EPHA3: variants seen among roughly 807,000 people sequenced by gnomAD.
EPHA3 encodes EPH receptor A3.
Under a neutral mutation model 107.1 loss-of-function variants are expected in EPHA3, and 42 were observed. The ratio of observed to expected loss-of-function variants is 0.39; its 90% CI spans 0.31 to 0.51. The LOEUF is 0.51. Ranked by LOEUF, EPHA3 falls within the 20% of genes least tolerant of loss-of-function variation. EPHA3 has a pLI of 0.78. For missense variants in EPHA3, 1,183 were observed against 1,211.2 expected, an observed-to-expected ratio of 0.98 and a Z score of 0.35; for synonymous variants, 461 against 424.8, an observed-to-expected ratio of 1.09 and a Z score of -1.05.
chr3:89,313,238 T>C (rs761893534), intron 3 of EPHA3, among the ~76,000 whole-genome samples: 2 of 151,976 alleles, frequency 1.3e-5, no homozygotes, highest in East Asian at 3.9e-4. Context: ...AAAGTATCTA[T>C]CATTTCTTAC....
At chr3:89,451,448 G>T (rs550454252) in intron 15 of EPHA3, among the ~76,000 whole-genome samples, 25 of 152,062 alleles carry the variant, frequency 1.6e-4, no homozygotes, top group Middle Eastern at 3.4e-3. Flanking sequence ...AAGAAAAAAA[G>T]GTTCTTTTAC....
intron 3 of EPHA3, among the ~76,000 whole-genome samples, chr3:89,212,926 G>C (rs904325322): frequency 1.3e-5 from 2 of 151,904 alleles, no homozygotes; most frequent in African/African-American, 2.4e-5. Flanking sequence ...AAGACACCTA[G>C]ACTTTTTGAT....
intron 3 of EPHA3, among the ~76,000 whole-genome samples, chr3:89,223,327 G>A (rs1331831612): frequency 6.6e-6 from 1 of 152,174 alleles, no homozygotes; most frequent in Non-Finnish European, 1.5e-5. Context: ...CCTTCATACG[G>A]TTGATGGTTG....
chr3:89,432,320 C>T (rs1027836125), intron 13 of EPHA3, among the ~76,000 whole-genome samples: 3 of 152,116 alleles, frequency 2.0e-5, no homozygotes, highest in Admixed American at 6.6e-5. Flanking sequence ...TTTTAATTTG[C>T]ATCCATTTAA....
chr3:89,290,299 T>G (rs1706182515), intron 3 of EPHA3, among the ~76,000 whole-genome samples: 1 of 152,162 alleles, frequency 6.6e-6, no homozygotes, highest in African/African-American at 2.4e-5. Context: ...AATAATCTTT[T>G]GAGAATTTCT....
intron 12 of EPHA3, among the ~76,000 whole-genome samples, chr3:89,429,778 CAA>C (rs1361366163): frequency 0.01 from 1,452 of 143,370 alleles, 26 homozygotes; most frequent in African/African-American, 0.038. Flanking sequence ...GTTGCCCAGG[CAA>C]TGGTGCAATG....
chr3:89,435,402 C>CT (rs1191863628), intron 13 of EPHA3, among the ~76,000 whole-genome samples: 2 of 148,460 alleles, frequency 1.3e-5, no homozygotes, highest in Non-Finnish European at 3.0e-5. Context: ...GAGTTTGAGA[C>CT]CAGCCTGGGC....
intron 13 of EPHA3, among the ~76,000 whole-genome samples, chr3:89,443,369 TACTA>T (rs1273816895): frequency 2.0e-5 from 3 of 152,198 alleles, no homozygotes; most frequent in Admixed American, 1.3e-4. Flanking sequence ...GTGAATCTTA[TACTA>T]ACTATCGTTG....
intron 3 of EPHA3, among the ~76,000 whole-genome samples, chr3:89,258,648 A>T (rs1335657987): frequency 1.3e-5 from 2 of 152,236 alleles, no homozygotes; most frequent in East Asian, 3.8e-4. Flanking sequence ...TTCTTTTAAC[A>T]TTCTATAGAT....
At chr3:89,227,812 G>A (rs538304900) in intron 3 of EPHA3, among the ~76,000 whole-genome samples, 7 of 151,994 alleles carry the variant, frequency 4.6e-5, no homozygotes, top group South Asian at 4.1e-4. Context: ...TATTTGTAAC[G>A]TTCCATGTCC....
At chr3:89,446,527 G>C (rs1438250984) in intron 13 of EPHA3, among the ~76,000 whole-genome samples, 1 of 151,972 alleles carries the variant, frequency 6.6e-6, no homozygotes. Context: ...AACCCTGATT[G>C]AATTAACCAA....
intron 3 of EPHA3, among the ~76,000 whole-genome samples, chr3:89,258,917 C>T (rs563783850): frequency 2.6e-5 from 4 of 152,162 alleles, no homozygotes; most frequent in Admixed American, 1.3e-4. Context: ...GCCACAAAAT[C>T]CAAACAAGTT....
chr3:89,162,939 G>A (rs1363948452), intron 2 of EPHA3, among the ~76,000 whole-genome samples: 2 of 152,190 alleles, frequency 1.3e-5, no homozygotes, highest in Non-Finnish European at 2.9e-5. Context: ...GTCCTTCAAT[G>A]AAGAGGTATT....
intron 2 of EPHA3, among the ~76,000 whole-genome samples, chr3:89,137,684 T>C (rs753917201): frequency 6.6e-6 from 1 of 152,012 alleles, no homozygotes; most frequent in African/African-American, 2.4e-5. Context: ...ACCAAAGTAA[T>C]GTATGAGATT....
At chr3:89,397,947 G>A (rs1163218262) in intron 6 of EPHA3, among the ~76,000 whole-genome samples, 1 of 151,964 alleles carries the variant, frequency 6.6e-6, no homozygotes, top group Non-Finnish European at 1.5e-5. Context: ...TATTCCCTAA[G>A]TATTTTTTGA....
chr3:89,238,645 C>T (rs1704826540), intron 3 of EPHA3, among the ~76,000 whole-genome samples: 1 of 152,068 alleles, frequency 6.6e-6, no homozygotes, highest in African/African-American at 2.4e-5. Flanking sequence ...TACCTGTAAC[C>T]AATGTAGGTT....
chr3:89,131,966 A>G (rs1704215877), intron 2 of EPHA3, among the ~76,000 whole-genome samples: 1 of 152,160 alleles, frequency 6.6e-6, no homozygotes. Flanking sequence ...CTGCGACTCC[A>G]TGGGTTGAAT....
At chr3:89,216,627 T>A (rs1391994058) in intron 3 of EPHA3, among the ~76,000 whole-genome samples, 1 of 152,090 alleles carries the variant, frequency 6.6e-6, no homozygotes, top group Non-Finnish European at 1.5e-5. Context: ...TAGCTCTGAT[T>A]TGCTGCGTGC....
chr3:89,174,472 T>C (rs182802784), intron 2 of EPHA3, among the ~76,000 whole-genome samples: 2 of 152,158 alleles, frequency 1.3e-5, no homozygotes, highest in African/African-American at 4.8e-5. Flanking sequence ...GGTCTCTTTT[T>C]TAATCCATTT....
Sources: gnomAD v4.1 joint callset for allele counts (sites outside exome capture counted in the v4.1 genomes callset) on GRCh38, gnomAD v4.1.1 for gene constraint, MANE v1.5 for transcripts, NCBI Gene and HGNC (gene_info 2026-07-23, HGNC 2026-07-21) for gene names.